The following SLC44A1 variants were observed in gnomAD, a reference collection of about 807,000 sequenced individuals.
The protein encoded by SLC44A1 is choline transporter-like protein 1.
In SLC44A1, 26 loss-of-function variants were observed where a neutral mutation model predicts 79.3. That is an observed-to-expected ratio of 0.33 (90% confidence interval 0.24 to 0.46). SLC44A1 has a LOEUF of 0.46. Among genes scored for constraint, SLC44A1 ranks in the 20% least tolerant of loss-of-function variants. SLC44A1 has a pLI of 1.00. For synonymous variants in SLC44A1, 263 were observed against 286.2 expected (o/e 0.92, Z 0.82); for missense variants, 688 against 798.1 (o/e 0.86, Z 1.66).
chr9:105,410,949 G>A (rs1829087327), intron 15 of SLC44A1, among the ~76,000 whole-genome samples: 1 of 152,140 alleles, frequency 6.6e-6, no homozygotes, highest in Non-Finnish European at 1.5e-5. Flanking sequence ...GCCACATATT[G>A]TATGATTCCA....
chr9:105,378,650 T>G (rs1341189376), intron 13 of SLC44A1, among the ~76,000 whole-genome samples: 1 of 152,134 alleles, frequency 6.6e-6, no homozygotes, highest in Non-Finnish European at 1.5e-5. Flanking sequence ...ATTGAGAAAT[T>G]CAGAAAAGAG....
chr9:105,260,335 T>G (rs901331477), intron 1 of SLC44A1, among the ~76,000 whole-genome samples: 4 of 152,206 alleles, frequency 2.6e-5, no homozygotes, highest in African/African-American at 9.6e-5. Context: ...CCTTTAAAAT[T>G]TTTTTCACTA....
chr9:105,416,302 A>G (rs942146239), intron 15 of SLC44A1, among the ~76,000 whole-genome samples: 1 of 152,208 alleles, frequency 6.6e-6, no homozygotes, highest in African/African-American at 2.4e-5. Context: ...GATAAAAAAA[A>G]AAAAAAGTAC....
intron 3 of SLC44A1, among the ~76,000 whole-genome samples, chr9:105,314,224 G>A (rs1831258859): frequency 2.0e-5 from 3 of 152,150 alleles, no homozygotes; most frequent in African/African-American, 7.2e-5. Flanking sequence ...CCTCTGGGGA[G>A]AAGATTGGGG....
At chr9:105,359,005 C>G (rs937967152) in intron 7 of SLC44A1, among the ~76,000 whole-genome samples, 1 of 152,128 alleles carries the variant, frequency 6.6e-6, no homozygotes, top group Non-Finnish European at 1.5e-5. Flanking sequence ...CTTTCATCCC[C>G]TACTCTCTTC....
chr9:105,300,221 G>T (rs147962661), intron 2 of SLC44A1, among the ~76,000 whole-genome samples: 133 of 152,212 alleles, frequency 8.7e-4, no homozygotes, highest in African/African-American at 2.9e-3. Context: ...ACAGAGCCCA[G>T]GTCTGTTCAC....
At chr9:105,376,626 G>A (rs1356565987) in intron 13 of SLC44A1, among the ~76,000 whole-genome samples, 4 of 151,966 alleles carry the variant, frequency 2.6e-5, no homozygotes, top group Admixed American at 1.3e-4. Flanking sequence ...TGCCCACCTC[G>A]GCCTCCCAAA....
intron 15 of SLC44A1, among the ~76,000 whole-genome samples, chr9:105,434,437 G>A (rs1829437954): frequency 6.6e-6 from 1 of 152,198 alleles, no homozygotes; most frequent in Admixed American, 6.5e-5. Flanking sequence ...TCATAGAAGG[G>A]TTGAAAGATG....
At chr9:105,371,942 G>A (rs1478134304) in intron 12 of SLC44A1, among the ~76,000 whole-genome samples, 2 of 152,090 alleles carry the variant, frequency 1.3e-5, no homozygotes, top group African/African-American at 4.8e-5. Flanking sequence ...AAGATCAAAA[G>A]TGTAGTTTAT....
intron 5 of SLC44A1, among the ~76,000 whole-genome samples, chr9:105,354,865 G>A (rs960497513): frequency 2.0e-5 from 3 of 152,184 alleles, no homozygotes; most frequent in African/African-American, 7.2e-5. Flanking sequence ...CAAGGATAGT[G>A]TTTTGCTTCA....
chr9:105,371,147 A>G (rs1257651575), intron 12 of SLC44A1, among the ~76,000 whole-genome samples: 1 of 152,240 alleles, frequency 6.6e-6, no homozygotes, highest in Non-Finnish European at 1.5e-5. Context: ...GGAGGAAGTT[A>G]CTAAAACTTG....
At chr9:105,333,666 C>T (rs76326389) in intron 3 of SLC44A1, among the ~76,000 whole-genome samples, 8 of 151,906 alleles carry the variant, frequency 5.3e-5, no homozygotes, top group East Asian at 3.9e-4. Flanking sequence ...AAAAATTAGC[C>T]GGGTGTGGTA....
At chr9:105,273,938 C>T (rs908525342) in intron 1 of SLC44A1, among the ~76,000 whole-genome samples, 7 of 152,168 alleles carry the variant, frequency 4.6e-5, no homozygotes, top group Admixed American at 1.3e-4. Flanking sequence ...TGCTTTTACA[C>T]ACCCACACAG....
At chr9:105,438,446 C>A in exon 16 of SLC44A1, 1 of 641,346 alleles carries the variant, frequency 1.6e-6, no homozygotes, top group Non-Finnish European at 2.8e-6. Flanking sequence ...CCACCAACAG[C>A]CAAGTGGATT....
rs1464245610 is a variant in SLC44A1 at position 105,394,282 on chromosome 9, T to G, written c.*5226T>G. The G allele has an allele frequency of 3.0e-6, 3 of 985,284 alleles. No individual in the cohort carries two copies. Among genetic ancestry groups the G allele is most frequent in the Non-Finnish European group, 3.6e-6 (3 of 829,908 alleles). The allele number at this position is 985,284 out of a possible 1,614,324, so 61.0% of individuals were successfully genotyped here. On this transcript the variant is annotated 3_prime_UTR_variant, in exon 16 of 16. Transcript: ENST00000374720. ...CCACCTTCTGACCTGGAATCATTTT[T>G]ATAACTTAAAGACTTTATGTAATTT... is the stretch of plus-strand genomic sequence containing the variant.
At chr9:105,273,646 C>T (rs1830128707) in intron 1 of SLC44A1, among the ~76,000 whole-genome samples, 1 of 151,766 alleles carries the variant, frequency 6.6e-6, no homozygotes, top group African/African-American at 2.4e-5. Flanking sequence ...GAGTCCATTA[C>T]TAGCAAATGT....
At chr9:105,244,999 C>T in intron 1 of SLC44A1, 95 bp downstream of exon 1, 1 of 485,660 alleles carries the variant, frequency 2.1e-6, no homozygotes, top group Non-Finnish European at 3.0e-6. Context: ...CTCGCTGTCC[C>T]CAGCCTCCCC....
chr9:105,421,601 T>G (rs1032994543), intron 15 of SLC44A1, among the ~76,000 whole-genome samples: 8 of 150,188 alleles, frequency 5.3e-5, no homozygotes, highest in African/African-American at 1.7e-4. Flanking sequence ...TTTTTTTTTT[T>G]TGAGACAGAG....
chr9:105,370,389 G>A (rs1828060258), intron 12 of SLC44A1, among the ~76,000 whole-genome samples: 1 of 152,076 alleles, frequency 6.6e-6, no homozygotes, highest in Non-Finnish European at 1.5e-5. Context: ...CAGTTGGGTT[G>A]AATACAAAGG....
Sources: gnomAD v4.1 joint callset for allele counts (sites outside exome capture counted in the v4.1 genomes callset) on GRCh38, gnomAD v4.1.1 for gene constraint, MANE v1.5 for transcripts, NCBI Gene and HGNC (gene_info 2026-07-23, HGNC 2026-07-21) for gene names.